Variants in ATRNL1 observed in about 807,000 individuals in gnomAD.
ATRNL1 encodes attractin-like protein 1.
A neutral mutation model predicts 182.7 loss-of-function variants in ATRNL1; 95 were observed. The ratio of observed to expected loss-of-function variants is 0.52; its 90% CI spans 0.44 to 0.62. The LOEUF (loss-of-function observed/expected upper bound fraction) is 0.62, where lower values mean the gene tolerates loss of function less well. Ranked by LOEUF, ATRNL1 falls within the 20% of genes least tolerant of loss-of-function variation. The probability of loss-of-function intolerance (pLI) is 0.00; values close to 1 mark genes in which losing one functional copy is unlikely to be tolerated. For synonymous variants in ATRNL1, 576 were observed against 568.3 expected, an observed-to-expected ratio of 1.01 and a Z score of -0.19; for missense variants, 1,471 against 1,679.5, an observed-to-expected ratio of 0.88 and a Z score of 2.17.
chr10:115,347,347 G>A (rs1856022093), intron 19 of ATRNL1, among the ~76,000 whole-genome samples: 1 of 152,084 alleles, frequency 6.6e-6, no homozygotes, highest in Admixed American at 6.5e-5. Flanking sequence ...ATGGTGATGT[G>A]ATGGGTAAAA....
intron 5 of ATRNL1, among the ~76,000 whole-genome samples, chr10:115,149,058 T>C (rs1846098619): frequency 6.6e-6 from 1 of 152,068 alleles, no homozygotes; most frequent in Non-Finnish European, 1.5e-5. Flanking sequence ...ATAGAGGGGC[T>C]TTTGGAGGCG....
chr10:115,851,312 A>G (rs1951050375), intron 28 of ATRNL1, among the ~76,000 whole-genome samples: 1 of 152,184 alleles, frequency 6.6e-6, no homozygotes, highest in African/African-American at 2.4e-5. Context: ...AGTGACAGAA[A>G]TGCACAGGAG....
chr10:115,612,917 A>G (rs940665165), intron 26 of ATRNL1, among the ~76,000 whole-genome samples: 1 of 152,186 alleles, frequency 6.6e-6, no homozygotes, highest in Non-Finnish European at 1.5e-5. Context: ...GTCTTTCTCC[A>G]AAAGCATTGC....
At chr10:115,105,306 T>G (rs1554865624) in intron 1 of ATRNL1, among the ~76,000 whole-genome samples, 1 of 152,176 alleles carries the variant, frequency 6.6e-6, no homozygotes, top group African/African-American at 2.4e-5. Flanking sequence ...CAGAAGAAAT[T>G]TCTAAGCAGC....
intron 19 of ATRNL1, among the ~76,000 whole-genome samples, chr10:115,358,783 C>T (rs1306174777): frequency 2.6e-5 from 4 of 151,514 alleles, no homozygotes; most frequent in Non-Finnish European, 5.9e-5. Context: ...CTTATATTTT[C>T]TTTGACTCTC....
intron 26 of ATRNL1, among the ~76,000 whole-genome samples, chr10:115,592,147 C>T (rs190690867): frequency 5.9e-5 from 9 of 152,164 alleles, no homozygotes; most frequent in Admixed American, 1.3e-4. Context: ...AAGATGGCAA[C>T]GGTAGGTACT....
intron 27 of ATRNL1, among the ~76,000 whole-genome samples, chr10:115,785,110 T>C (rs1949363946): frequency 6.6e-6 from 1 of 152,224 alleles, no homozygotes; most frequent in African/African-American, 2.4e-5. Flanking sequence ...GAGTATGATC[T>C]ATCCTGGGGC....
intron 26 of ATRNL1, among the ~76,000 whole-genome samples, chr10:115,636,066 T>A (rs1858849230): frequency 6.6e-6 from 1 of 152,162 alleles, no homozygotes; most frequent in Admixed American, 6.6e-5. Context: ...TTATTCTAGA[T>A]CATAGTTACA....
intron 19 of ATRNL1, among the ~76,000 whole-genome samples, chr10:115,338,075 G>A (rs1378226414): frequency 2.0e-5 from 3 of 151,978 alleles, no homozygotes; most frequent in Non-Finnish European, 4.4e-5. Context: ...ACCTTCTGCT[G>A]TGCAGCCGGT....
chr10:115,364,055 GA>G (rs1856893042), intron 19 of ATRNL1, among the ~76,000 whole-genome samples: 1 of 150,718 alleles, frequency 6.6e-6, no homozygotes, highest in South Asian at 2.1e-4. Flanking sequence ...ATTCTGTGAA[GA>G]AAGTCATTGG....
chr10:115,630,841 C>CACACAG (rs1858449847), intron 26 of ATRNL1, among the ~76,000 whole-genome samples: 3 of 132,654 alleles, frequency 2.3e-5, no homozygotes, highest in African/African-American at 1.1e-4. Context: ...CACACACACA[C>CACACAG]ACACACACAC....
intron 19 of ATRNL1, among the ~76,000 whole-genome samples, chr10:115,338,975 A>G (rs1251619447): frequency 6.6e-6 from 1 of 152,154 alleles, no homozygotes; most frequent in Non-Finnish European, 1.5e-5. Flanking sequence ...TTATTGAAGA[A>G]TCTGTCTTTT....
chr10:115,218,357 G>A (rs782638206), intron 9 of ATRNL1, among the ~76,000 whole-genome samples: 35 of 152,130 alleles, frequency 2.3e-4, no homozygotes, highest in Non-Finnish European at 4.4e-4. Context: ...AGGATATTCT[G>A]CCTTGACTTT....
At chr10:115,654,219 CTT>C (rs374338976) in intron 26 of ATRNL1, among the ~76,000 whole-genome samples, 2 of 143,510 alleles carry the variant, frequency 1.4e-5, no homozygotes, top group Non-Finnish European at 1.5e-5. Context: ...AATTTCTTTT[CTT>C]TTTTTTTTTT....
intron 15 of ATRNL1, among the ~76,000 whole-genome samples, chr10:115,299,579 G>T (rs1853371169): frequency 6.6e-6 from 1 of 151,974 alleles, no homozygotes; most frequent in Admixed American, 6.6e-5. Context: ...TCTATATATT[G>T]TTTGTTGATT....
intron 27 of ATRNL1, among the ~76,000 whole-genome samples, chr10:115,730,942 G>C (rs539541246): frequency 3.7e-4 from 56 of 152,250 alleles, no homozygotes; most frequent in African/African-American, 1.2e-3. Context: ...GTGTTCGAGG[G>C]CAGGAAGCAT....
intron 13 of ATRNL1, among the ~76,000 whole-genome samples, chr10:115,277,966 A>G (rs1176260963): frequency 6.6e-6 from 1 of 152,178 alleles, no homozygotes; most frequent in Admixed American, 6.5e-5. Context: ...CAGAACCATT[A>G]TTTAGTGTCT....
chr10:115,421,837 CA>C, intron 20 of ATRNL1, among the ~76,000 whole-genome samples: 2 of 152,158 alleles, frequency 1.3e-5, no homozygotes, highest in African/African-American at 4.8e-5. Context: ...GGTACTTATA[CA>C]AAGACAGACA....
At chr10:115,900,268 A>T (rs1401406610) in intron 28 of ATRNL1, among the ~76,000 whole-genome samples, 1 of 152,196 alleles carries the variant, frequency 6.6e-6, no homozygotes, top group African/African-American at 2.4e-5. Context: ...TCTTGGCTTA[A>T]AATTTTAATA....
Sources: allele counts gnomAD v4.1 joint callset (sites outside exome capture counted in the v4.1 genomes callset), GRCh38; gene constraint gnomAD v4.1.1; transcripts MANE v1.5; gene names NCBI Gene and HGNC (gene_info 2026-07-23, HGNC 2026-07-21).